The following CMYA5 variants were observed in gnomAD, a reference collection of about 807,000 sequenced individuals.
The protein encoded by CMYA5 is cardiomyopathy associated 5, also known as cardiomyopathy-associated protein 5.
CMYA5 carries 246 observed loss-of-function variants against 318.9 expected under a neutral mutation model. That is an observed-to-expected ratio of 0.77 (90% CI 0.70 to 0.86). The LOEUF is 0.86. Ranked by LOEUF, CMYA5 falls within the 40% of genes least tolerant of loss-of-function variation. CMYA5 has a pLI of 0.00. For synonymous variants in CMYA5, 1,641 were observed against 1,729.5 expected, an observed-to-expected ratio of 0.95 and a Z score of 1.27; for missense variants, 4,589 against 4,678.2, an observed-to-expected ratio of 0.98 and a Z score of 0.56.
In CMYA5 at chr5:79,739,187, A is replaced by C. The variant is rs1252279003; in HGVS notation, c.10422A>C (p.Thr3474=). Residue 3474 remains threonine (T), a synonymous_variant, in exon 2 of 13, where the codon ACA becomes ACC. Transcript: ENST00000446378. ...TTGCGAGTGAGGCAGAACAAAGTAC[A>C]CCTGCTGAACAAAAAGAGTTGGGCA... ...NEFASEAEQS[T]PAEQKELGSE... is the part of the protein sequence containing the mutation. 2 of 1,613,356 alleles carry C rather than the reference A, an allele frequency of 1.2e-6. No individual in the cohort carries two copies. Among genetic ancestry groups the C allele is most frequent in the South Asian group, 1.1e-5 (1 of 90,998 alleles).
At chr5:79,792,921 C>T (rs938159659) in intron 11 of CMYA5, among the ~76,000 whole-genome samples, 6 of 152,250 alleles carry the variant, frequency 3.9e-5, no homozygotes, top group African/African-American at 1.4e-4. Flanking sequence ...ACACTTGGCA[C>T]TGGCCAGCAC....
chr5:79,753,202 C>T (rs1828465291), intron 6 of CMYA5, among the ~76,000 whole-genome samples: 1 of 152,084 alleles, frequency 6.6e-6, no homozygotes, highest in Admixed American at 6.5e-5. Flanking sequence ...TGGTTTTCCC[C>T]TCTTCAATTC....
rs751354375 is a variant in CMYA5, at chr5:79,736,464, T to A, written c.7699T>A (p.Ser2567Thr). ...HQPYSVNVAE[S>T]MSRESDISLG... ...GCCTTATTCTGTGAATGTAGCCGAG[T>A]CTATGAGTAGAGAATCAGATATCTC... Residue 2567 changes from serine to threonine, a missense_variant, in exon 2 of 13, where the codon TCT becomes ACT. Around this residue, in one of 3 missense-constraint regions of CMYA5, gnomAD observed 2,431 missense variants for 2,495.1 expected, o/e 0.97. Coordinates refer to ENST00000446378, the MANE Select transcript of CMYA5 (RefSeq NM_153610.5). 1.9e-6 allele frequency: 3 copies of A among 1,610,290 alleles called. No homozygotes were observed. In the South Asian group the frequency reaches 3.3e-5, roughly 18 times the overall value.
At chr5:79,763,273 C>G in intron 9 of CMYA5, 64 bp downstream of exon 9, 3 of 1,390,586 alleles carry the variant, frequency 2.2e-6, no homozygotes, top group Non-Finnish European at 2.9e-6. Context: ...GGGTCCTAAA[C>G]TACCCTCTAA....
At chr5:79,791,169 A>G (rs1829171759) in intron 11 of CMYA5, 100 bp downstream of exon 11, 1 of 733,470 alleles carries the variant, frequency 1.4e-6, no homozygotes, top group South Asian at 1.6e-5. Flanking sequence ...TTCATGGTGC[A>G]GTGAACATGT....
intron 1 of CMYA5, among the ~76,000 whole-genome samples, chr5:79,710,718 G>T (rs1827372898): frequency 6.6e-6 from 1 of 152,030 alleles, no homozygotes; most frequent in South Asian, 2.1e-4. Flanking sequence ...TATTTTTACA[G>T]GTAGGACCTA....
chr5:79,772,077 TCCTTTGCGAAAG>T (rs1211134503), intron 9 of CMYA5, among the ~76,000 whole-genome samples: 1 of 151,496 alleles, frequency 6.6e-6, no homozygotes, highest in African/African-American at 2.4e-5. Flanking sequence ...TTCCAGAAAA[TCCTTTGCGAAAG>T]CCAGAGAAAC....
At chr5:79,720,842 G>C (rs1170741875) in intron 1 of CMYA5, among the ~76,000 whole-genome samples, 1 of 152,170 alleles carries the variant, frequency 6.6e-6, no homozygotes, top group African/African-American at 2.4e-5. Flanking sequence ...ATTCACACCA[G>C]AGGAAATACT....
intron 12 of CMYA5, among the ~76,000 whole-genome samples, chr5:79,794,334 T>C (rs1356700999): frequency 6.6e-6 from 1 of 152,258 alleles, no homozygotes; most frequent in African/African-American, 2.4e-5. Context: ...TGCCAATCTC[T>C]GTTCTATATT....
rs146637994 is a variant in CMYA5 at position 79,763,531 on chromosome 5, C to A, written c.11555+322C>A. 2.0e-3 allele frequency: 537 copies of A among 271,966 alleles called. 2 individuals carry two copies. The highest frequency in any genetic ancestry group is 0.011 in the African/African-American group (506 of 46,354). The allele number at this position is 271,966 out of a possible 1,614,324, so 16.8% of individuals were successfully genotyped here. On this transcript the variant is annotated intron_variant, in intron 9 of 12. Transcript: ENST00000446378. Reference sequence around the variant, plus strand: ...GCATATTTTATGGGTTTTTTACTAGCTATATCAGAATCCGTACCACCTAAC... The same window carrying A: ...GCATATTTTATGGGTTTTTTACTAGATATATCAGAATCCGTACCACCTAAC...
chr5:79,789,943 A>G (rs1829146865), intron 10 of CMYA5, among the ~76,000 whole-genome samples: 1 of 152,202 alleles, frequency 6.6e-6, no homozygotes, highest in South Asian at 2.1e-4. Context: ...ATTCAATGAC[A>G]TTTTTGGGAA....
rs530845335 is a variant in CMYA5, at chr5:79,738,802, A to T, written c.10037A>T (p.His3346Leu). The change falls in exon 2 of 13, where the codon CAT (histidine) becomes CTT (leucine). Residue 3346 changes from histidine (H) to leucine (L), a missense_variant. Physicochemically the swap from His to Leu is moderately conservative, Grantham distance 99. Transcript: ENST00000446378. ...TATGCGGTTCCATTTGAAGACACCC[A>T]TCATGTTCTGGAGCGTGCAGATGAA... ...ISYAVPFEDT[H>L]HVLERADEAG... 5.6e-6 allele frequency: 9 copies of T among 1,613,916 alleles called. No homozygotes were observed. The South Asian group carries it at 7.7e-5, about 14-fold the overall frequency.
chr5:79,750,157 G>A (rs1230066051), intron 5 of CMYA5, among the ~76,000 whole-genome samples: 1 of 152,098 alleles, frequency 6.6e-6, no homozygotes, highest in Non-Finnish European at 1.5e-5. Context: ...TGAATTGTTT[G>A]ATCTTTTCAG....
At position 79,730,312 on chromosome 5, in the gene CMYA5, C is replaced by T; in HGVS notation, c.1547C>T (p.Ala516Val). 1 of 1,613,822 alleles carries T rather than the reference C, an allele frequency of 6.2e-7. No individual in the cohort carries two copies. Among genetic ancestry groups the T allele is most frequent in the Non-Finnish European group, 8.5e-7 (1 of 1,179,838 alleles). ...GAAATAGAAACTTCCCTACCCATAG[C>T]TATTACCCCTGAACCTGAAGATTCT... ...KEEIETSLPI[A>V]ITPEPEDSNL... is the part of the protein sequence containing the mutation. The change falls in exon 2 of 13, where the codon GCT (alanine) becomes GTT (valine). Residue 516 changes from alanine to valine, a missense_variant. Ala to Val is a moderately conservative substitution (Grantham distance 64). Around this residue, in one of 3 missense-constraint regions of CMYA5, gnomAD observed 2,132 missense variants for 2,131.3 expected, o/e 1.00. Coordinates refer to ENST00000446378, the MANE Select transcript of CMYA5 (RefSeq NM_153610.5).
At chr5:79,706,404 A>G (rs1203784940) in intron 1 of CMYA5, among the ~76,000 whole-genome samples, 1 of 152,252 alleles carries the variant, frequency 6.6e-6, no homozygotes, top group Non-Finnish European at 1.5e-5. Context: ...GCAAGATATT[A>G]ATCAGCAGTA....
Position 79,733,251 on chromosome 5 carries a change from G to A in CMYA5, c.4486G>A (p.Asp1496Asn). Residue 1496 changes from aspartate (D) to asparagine (N), a missense_variant, in exon 2 of 13, where the codon GAT (aspartate) becomes AAT (asparagine). This residue lies in a region of CMYA5 where 2,132 missense variants were observed against 2,131.3 expected (regional missense o/e 1.00). Coordinates refer to ENST00000446378, the MANE Select transcript of CMYA5 (RefSeq NM_153610.5). ...GGAAGCAAGGGTAGAAGACAAACAA[G>A]ATCTTTTATTTTCTACAGTCTGTGA... ...SEEARVEDKQ[D>N]LLFSTVCDSE... The A allele has an allele frequency of 1.2e-6, 2 of 1,613,614 alleles. No individual in the cohort carries two copies. Among genetic ancestry groups the A allele is most frequent in the Non-Finnish European group, 8.5e-7 (1 of 1,179,814 alleles).
rs754672774 is a variant in CMYA5, at chr5:79,731,559, A to G, written c.2794A>G (p.Met932Val). The change falls in exon 2 of 13, where the codon ATG becomes GTG. Residue 932 changes from methionine to valine, a missense_variant. Met to Val is a conservative substitution (Grantham distance 21, BLOSUM62 1). Coordinates refer to ENST00000446378, the MANE Select transcript of CMYA5 (RefSeq NM_153610.5). ...SLNLKGASSPMNLSEEDQEDI... is the reference protein window; with the variant it reads ...SLNLKGASSPVNLSEEDQEDI... The stretch of plus-strand genomic sequence containing the variant: ...AAATCTAAAAGGTGCATCCTCACCC[A>G]TGAATTTATCAGAAGAAGATCAAGA... The G allele has an allele frequency of 5.6e-6, 9 of 1,609,824 alleles. No homozygotes were observed. In the Admixed American group the frequency reaches 1.3e-4, roughly 24 times the overall value.
At chr5:79,710,126 A>T (rs1026913114) in intron 1 of CMYA5, among the ~76,000 whole-genome samples, 2 of 152,122 alleles carry the variant, frequency 1.3e-5, no homozygotes, top group African/African-American at 4.8e-5. Flanking sequence ...GCAGAAGCAG[A>T]TGTGAGAATT....
rs1337504176 is a variant in CMYA5 at position 79,736,343 on chromosome 5, A to G, written c.7578A>G (p.Arg2526=). 9 of 1,613,412 alleles carry G rather than the reference A, an allele frequency of 5.6e-6. No homozygotes were observed. Among genetic ancestry groups the G allele is most frequent in the Middle Eastern group, 1.6e-4 (1 of 6,082 alleles). ...ATCAAAATGAAGACTACAATGAAAG[A>G]CCCAAAATCATTGTTGGTTCTGAAA... The part of the protein sequence containing the change: ...HFYQNEDYNE[R]PKIIVGSEKE... The change falls in exon 2 of 13, where the codon AGA becomes AGG. Residue 2526 remains arginine, a synonymous_variant. Coordinates refer to ENST00000446378, the MANE Select transcript of CMYA5 (RefSeq NM_153610.5).
Sources: allele counts gnomAD v4.1 joint callset (sites outside exome capture counted in the v4.1 genomes callset), GRCh38; gene constraint gnomAD v4.1.1; regional missense constraint gnomAD v4.1.1; transcripts MANE v1.5; gene names NCBI Gene and HGNC (gene_info 2026-07-23, HGNC 2026-07-21).